The following CRADD variants were observed in gnomAD, a reference collection of about 807,000 sequenced individuals.
The protein encoded by CRADD is CARD and death domain containing adaptor protein.
In CRADD, 9 loss-of-function variants were observed where a neutral mutation model predicts 15.5. The ratio of observed to expected loss-of-function variants is 0.58; its 90% CI spans 0.35 to 1.01. The LOEUF is 1.01. Ranked by LOEUF, CRADD falls within the 50% of genes least tolerant of loss-of-function variation. The pLI, the probability that CRADD is intolerant of heterozygous loss-of-function variation, is 0.02. For missense variants in CRADD, 227 were observed against 250.3 expected (o/e 0.91, Z 0.63); for synonymous variants, 118 against 107.6 (o/e 1.10, Z -0.60).
chr12:93,840,864 G>A (rs1284503726), intron 2 of CRADD, among the ~76,000 whole-genome samples: 1 of 152,106 alleles, frequency 6.6e-6, no homozygotes, highest in Non-Finnish European at 1.5e-5. Context: ...TGGTCAGGAC[G>A]TCCAATACTG....
chr12:93,828,447 C>T (rs1957851272), intron 2 of CRADD, among the ~76,000 whole-genome samples: 1 of 152,128 alleles, frequency 6.6e-6, no homozygotes, highest in Admixed American at 6.5e-5. Flanking sequence ...TTAGGTTTTC[C>T]ATTTGGGTCT....
chr12:93,750,863 TTATA>T (rs1956820952), intron 2 of CRADD, among the ~76,000 whole-genome samples: 1 of 152,142 alleles, frequency 6.6e-6, no homozygotes, highest in African/African-American at 2.4e-5. Flanking sequence ...ATAAGGGAAA[TTATA>T]GTATGATAGA....
intron 2 of CRADD, among the ~76,000 whole-genome samples, chr12:93,700,433 A>AT (rs5800111): frequency 0.029 from 4,248 of 149,044 alleles, 131 homozygotes; most frequent in East Asian, 0.088. Flanking sequence ...TCCTTCAGTA[A>AT]TTTTTTTTTT....
chr12:93,825,356 T>C (rs1593021880), intron 2 of CRADD, among the ~76,000 whole-genome samples: 1 of 152,152 alleles, frequency 6.6e-6, no homozygotes, highest in East Asian at 1.9e-4. Flanking sequence ...CTAGTCTGAG[T>C]GATTTGGGGC....
At chr12:93,794,070 C>T (rs1192685294) in intron 2 of CRADD, among the ~76,000 whole-genome samples, 1 of 152,190 alleles carries the variant, frequency 6.6e-6, no homozygotes, top group African/African-American at 2.4e-5. Flanking sequence ...CTTTCAGCAG[C>T]ATTTGATGCA....
Position 93,850,690 on chromosome 12 carries a change from T to C in CRADD, c.*419T>C. Reference sequence around the variant, plus strand: ...TGTCTGAGGACTGAACTGTGGACTTTACTATTCATAATGATAAAATAATAA... The same window carrying C: ...TGTCTGAGGACTGAACTGTGGACTTCACTATTCATAATGATAAAATAATAA... On this transcript the variant is annotated 3_prime_UTR_variant, in exon 3 of 3. Transcript: ENST00000332896. The surrounding 1 kb of genome is among the most constrained non-coding windows in gnomAD (Gnocchi z 4.0). 8 of 984,016 alleles carry C rather than the reference T, an allele frequency of 8.1e-6. No individual in the cohort carries two copies. The highest frequency in any genetic ancestry group is 9.7e-6 in the Non-Finnish European group (8 of 828,636). The allele number at this position is 984,016 out of a possible 1,614,324, so 61.0% of individuals were successfully genotyped here.
chr12:93,836,633 A>C (rs1957975763), intron 2 of CRADD, among the ~76,000 whole-genome samples: 1 of 152,248 alleles, frequency 6.6e-6, no homozygotes, highest in Admixed American at 6.5e-5. Flanking sequence ...TCTGGTTTTA[A>C]ATACAAAGTA....
intron 2 of CRADD, among the ~76,000 whole-genome samples, chr12:93,821,984 G>T (rs906950477): frequency 6.6e-6 from 1 of 152,060 alleles, no homozygotes; most frequent in African/African-American, 2.4e-5. Context: ...CAGGTGTGGT[G>T]GTGGGCGCCT....
At chr12:93,852,864 T>TGTGTGC (rs1555229491), downstream of CRADD, among the ~76,000 whole-genome samples, 2 of 151,896 alleles carry the variant, frequency 1.3e-5, no homozygotes, top group African/African-American at 4.8e-5. Context: ...TGTGTGTGTG[T>TGTGTGC]GCATATGCAT....
chr12:93,779,287 A>G (rs1041240919), intron 2 of CRADD, among the ~76,000 whole-genome samples: 3 of 152,228 alleles, frequency 2.0e-5, no homozygotes, highest in Non-Finnish European at 4.4e-5. Flanking sequence ...AGTTCTAACT[A>G]TCTAGAAAAA....
intron 2 of CRADD, among the ~76,000 whole-genome samples, chr12:93,775,321 T>C (rs1280343124): frequency 6.6e-6 from 1 of 152,168 alleles, no homozygotes; most frequent in Non-Finnish European, 1.5e-5. Flanking sequence ...AGGGGTAAGA[T>C]GCATGAAATA....
At chr12:93,700,231 T>C (rs1031751228) in intron 2 of CRADD, among the ~76,000 whole-genome samples, 19 of 152,222 alleles carry the variant, frequency 1.2e-4, no homozygotes, top group African/African-American at 4.3e-4. Flanking sequence ...TTCTGAGTTA[T>C]GCACCTGCCA....
At chr12:93,715,140 ATTCT>A (rs1318331157) in intron 2 of CRADD, among the ~76,000 whole-genome samples, 1 of 152,190 alleles carries the variant, frequency 6.6e-6, no homozygotes, top group Non-Finnish European at 1.5e-5. Context: ...TTATTAAACA[ATTCT>A]TTCTTTTTAG....
intron 2 of CRADD, among the ~76,000 whole-genome samples, chr12:93,817,980 C>T (rs1463521557): frequency 6.6e-6 from 1 of 152,228 alleles, no homozygotes; most frequent in Non-Finnish European, 1.5e-5. Flanking sequence ...GGGCAGGGCT[C>T]TGCCAGGGTT....
At chr12:93,751,600 C>T (rs528985659) in intron 2 of CRADD, among the ~76,000 whole-genome samples, 2 of 152,338 alleles carry the variant, frequency 1.3e-5, no homozygotes, top group South Asian at 2.1e-4. Context: ...CGTGGTGGCT[C>T]ATGCCTGTAA....
intron 2 of CRADD, among the ~76,000 whole-genome samples, chr12:93,862,000 C>T (rs1216470213): frequency 1.3e-5 from 2 of 152,142 alleles, no homozygotes; most frequent in Non-Finnish European, 2.9e-5. Flanking sequence ...TTCATGAGAT[C>T]TGATGGTTGC....
chr12:93,688,854 A>C (rs1232620842), intron 2 of CRADD, among the ~76,000 whole-genome samples: 2 of 152,208 alleles, frequency 1.3e-5, no homozygotes, highest in African/African-American at 4.8e-5. Context: ...GCTGCTCCAG[A>C]GCCCATCACC....
chr12:93,889,627 T>C (rs1471750164), intron 2 of CRADD, among the ~76,000 whole-genome samples: 2 of 152,152 alleles, frequency 1.3e-5, no homozygotes, highest in African/African-American at 2.4e-5. Flanking sequence ...CCCAAGTCTC[T>C]GGACACTTGG....
chr12:93,711,055 C>CCCCCCCCCTTTTTT, intron 2 of CRADD, among the ~76,000 whole-genome samples: 1 of 43,506 alleles, frequency 2.3e-5, no homozygotes, highest in African/African-American at 8.5e-5. Flanking sequence ...CCACCCCCGC[C>CCCCCCCCCTTTTTT]TTTTTTTTTT....
Sources: allele counts gnomAD v4.1 joint callset (sites outside exome capture counted in the v4.1 genomes callset), GRCh38; gene constraint gnomAD v4.1.1; non-coding constraint Gnocchi (gnomAD v3.1); transcripts MANE v1.5; gene names NCBI Gene and HGNC (gene_info 2026-07-23, HGNC 2026-07-21).